LRP4: variants seen among roughly 807,000 people sequenced by gnomAD.
LRP4 encodes low-density lipoprotein receptor-related protein 4.
In LRP4, 95 loss-of-function variants were observed where a neutral mutation model predicts 220.3. That is an observed-to-expected ratio of 0.43 (90% confidence interval 0.37 to 0.51). The LOEUF is 0.51. LRP4 is among the 20% of genes least tolerant of loss of function. The pLI is 0.00. For missense variants in LRP4, 1,925 were observed against 2,567.0 expected, an observed-to-expected ratio of 0.75 and a Z score of 5.40; for synonymous variants, 903 against 954.6, an observed-to-expected ratio of 0.95 and a Z score of 1.00.
intron 36 of LRP4, among the ~76,000 whole-genome samples, chr11:46,863,892 C>CGAT (rs763790395): frequency 1.3e-5 from 2 of 151,924 alleles, no homozygotes; most frequent in African/African-American, 4.8e-5. Context: ...GTAACTGTTA[C>CGAT]GATGATGATG....
intron 16 of LRP4, among the ~76,000 whole-genome samples, chr11:46,887,388 G>A (rs528953315): frequency 3.3e-5 from 5 of 152,232 alleles, no homozygotes; most frequent in African/African-American, 7.2e-5. Context: ...CAGGGGAAGC[G>A]CTGGACACAA....
chr11:46,861,690 T>C (rs1336745167), intron 37 of LRP4, among the ~76,000 whole-genome samples: 1 of 152,000 alleles, frequency 6.6e-6, no homozygotes, highest in Non-Finnish European at 1.5e-5. Context: ...CACAACCAGC[T>C]CATTGAAATG....
Position 46,884,868 on chromosome 11 carries a change from C to T in LRP4, c.2507-892G>A, listed in dbSNP as rs1271288342. Among the ~76,000 whole-genome samples the T allele has an allele frequency of 6.6e-5, 10 of 151,758 alleles. No homozygotes were observed. In the South Asian group the frequency reaches 1.5e-3, roughly 22 times the overall value. On this transcript the variant is annotated intron_variant, in intron 18 of 37. Transcript: ENST00000378623. ...TGGAGGTTGCAGTGAGCTGAGATTG[C>T]GCCGCTGCACTCCAGCCTGGGCAGC...
rs1437931457 is a variant in LRP4 at position 46,875,233 on chromosome 11, TAGA to T, written c.3926-133_3926-131del. 1 of 1,033,690 alleles carries T rather than the reference TAGA, an allele frequency of 9.7e-7. No homozygotes were observed. Among genetic ancestry groups the T allele is most frequent in the African/African-American group, 1.6e-5 (1 of 63,254 alleles). The allele number at this position is 1,033,690 out of a possible 1,614,324, so 64.0% of individuals were successfully genotyped here. On this transcript the variant is annotated intron_variant, in intron 27 of 37. Transcript: ENST00000378623. The surrounding 1 kb of genome is among the most constrained non-coding windows in gnomAD (Gnocchi z 4.5). ...GGATTCAGTGCCTGGCAGGGTGAGG[TAGA>T]AGGAGGGTCTGCAGGAGGATCTCCA... is the stretch of plus-strand genomic sequence containing the variant.
rs1592540371 is a variant in LRP4 at position 46,894,632 on chromosome 11, G to A, written c.1497C>T (p.Gly499=). 1 of 1,613,654 alleles carries A rather than the reference G, an allele frequency of 6.2e-7. No individual in the cohort carries two copies. The highest frequency in any genetic ancestry group is 1.3e-5 in the African/African-American group (1 of 75,048). Residue 499 remains glycine, a synonymous_variant, in exon 12 of 38, where the codon GGC becomes GGT. Transcript: ENST00000378623. ...LDRILRANLN[G]SNVEEVVSTG... ...TAGACACAACCTCCTCCACGTTGCTGCCGTTGAGGTTGGCACGGAGGATCC... is the reference window on the plus strand; with the variant it reads ...TAGACACAACCTCCTCCACGTTGCTACCGTTGAGGTTGGCACGGAGGATCC...
intron 1 of LRP4, among the ~76,000 whole-genome samples, chr11:46,910,766 C>T (rs1941846548): frequency 7.0e-6 from 1 of 142,586 alleles, no homozygotes; most frequent in Admixed American, 7.6e-5. Context: ...TTCCATCTCC[C>T]GGGTTCAAGC....
intron 2 of LRP4, among the ~76,000 whole-genome samples, 181 bp from the exon 3 acceptor site, chr11:46,900,559 C>T (rs540036271): frequency 1.3e-5 from 2 of 152,256 alleles, no homozygotes; most frequent in South Asian, 4.1e-4. Context: ...GCAACCTCTG[C>T]CTCCTGGTTC....
intron 34 of LRP4, among the ~76,000 whole-genome samples, chr11:46,866,681 T>C (rs1348437342): frequency 6.6e-6 from 1 of 152,144 alleles, no homozygotes; most frequent in Non-Finnish European, 1.5e-5. Flanking sequence ...CACTTTGGGA[T>C]GCCTAGGCGG....
chr11:46,882,742 G>A (rs1941192524), intron 19 of LRP4, among the ~76,000 whole-genome samples: 2 of 151,992 alleles, frequency 1.3e-5, no homozygotes, highest in African/African-American at 2.4e-5. Context: ...TGCAGTCCCA[G>A]CTACTTGGGA....
At chr11:46,913,849 C>G (rs550843977) in intron 1 of LRP4, among the ~76,000 whole-genome samples, 43 of 152,212 alleles carry the variant, frequency 2.8e-4, no homozygotes, top group Admixed American at 1.6e-3. Flanking sequence ...GACTTCTTTT[C>G]TAGGAGTGGG....
chr11:46,862,986 C>T (rs957457727), intron 36 of LRP4: 11 of 535,848 alleles, frequency 2.1e-5, no homozygotes, highest in Non-Finnish European at 3.7e-5. Context: ...GAAACTGGTT[C>T]TGGTCTTGAG....
chr11:46,898,767 C>T, intron 6 of LRP4, 90 bp from the exon 7 acceptor site: 4 of 1,604,260 alleles, frequency 2.5e-6, no homozygotes, highest in Non-Finnish European at 1.7e-6. Flanking sequence ...CCCAGTTCCT[C>T]CATCTCTTCC....
At chr11:46,895,595 A>T (rs1003420342) in intron 10 of LRP4, among the ~76,000 whole-genome samples, 2 of 152,148 alleles carry the variant, frequency 1.3e-5, no homozygotes, top group South Asian at 2.1e-4. Flanking sequence ...AAATAAAAAT[A>T]AAAAATAAAA....
rs758054645 is a variant in LRP4, at chr11:46,862,679, G to T, written c.5312C>A (p.Thr1771Lys). ...TTCAATCTTCACTTCCTGTGTGGATGTTCGGTAGGAGGGGTTGCTGTAGGT... is the reference window on the plus strand; with the variant it reads ...TTCAATCTTCACTTCCTGTGTGGATTTTCGGTAGGAGGGGTTGCTGTAGGT... ...NLTYSNPSYR[T>K]STQEVKIEAI... is the part of the protein sequence containing the mutation. The change falls in exon 37 of 38, where the codon ACA (threonine) becomes AAA (lysine). Residue 1771 changes from threonine (T) to lysine (K), a missense_variant. Thr to Lys is a moderately conservative substitution (Grantham distance 78). Around this residue, in one of 3 missense-constraint regions of LRP4, gnomAD observed 1,244 missense variants for 1,624.9 expected, o/e 0.77. Transcript: ENST00000378623. 3 of 1,613,670 alleles carry T rather than the reference G, an allele frequency of 1.9e-6. No homozygotes were observed. The highest frequency in any genetic ancestry group is 2.5e-6 in the Non-Finnish European group (3 of 1,179,822).
intron 2 of LRP4, among the ~76,000 whole-genome samples, chr11:46,902,362 A>G (rs1409180959): frequency 1.3e-5 from 2 of 149,562 alleles, no homozygotes; most frequent in African/African-American, 4.9e-5. Flanking sequence ...CTGTATCAAA[A>G]AAAAAAAAAA....
chr11:46,897,519 G>T (rs558782773), intron 7 of LRP4, among the ~76,000 whole-genome samples: 1 of 149,936 alleles, frequency 6.7e-6, no homozygotes, highest in Admixed American at 6.6e-5. Flanking sequence ...AGGACCCTGC[G>T]GCCTTCCGCA....
chr11:46,874,910 G>A lies in LRP4; in HGVS notation c.4119C>T (p.Asp1373=), dbSNP rs564922097. ...GAACAGGGACATGCACATCGGTGTG[G>A]TCACTGGTGTCCAGTGAGATACGCC... is the stretch of plus-strand genomic sequence containing the variant. ...SIRRISLDTS[D]HTDVHVPVPE... Residue 1373 remains aspartate (D), a synonymous_variant, in exon 28 of 38, where the codon GAC becomes GAT. Transcript: ENST00000378623. The A allele has an allele frequency of 1.2e-6, 2 of 1,613,902 alleles. No individual in the cohort carries two copies. Among genetic ancestry groups the A allele is most frequent in the African/African-American group, 2.7e-5 (2 of 75,040 alleles).
chr11:46,881,900 G>A lies in LRP4; in HGVS notation c.2616C>T (p.Tyr872=). 1 of 1,614,186 alleles carries A rather than the reference G, an allele frequency of 6.2e-7. No homozygotes were observed. The highest frequency in any genetic ancestry group is 8.5e-7 in the Non-Finnish European group (1 of 1,180,042). Residue 872 remains tyrosine, a synonymous_variant, in exon 20 of 38, where the codon TAC becomes TAT. Transcript: ENST00000378623. ...RDIVVEPMGG[Y]MYWTDWGASP... ...TCGCACCCCAGTCAGTCCAATACAT[G>A]TACCTGGGCAAAGGCAAGGCAAGGC...
intron 12 of LRP4, among the ~76,000 whole-genome samples, chr11:46,893,585 G>A (rs1941466476): frequency 6.6e-6 from 1 of 152,170 alleles, no homozygotes; most frequent in Non-Finnish European, 1.5e-5. Context: ...TGACAAGTGA[G>A]CTGTTTCTGT....
Sources: allele counts gnomAD v4.1 joint callset (sites outside exome capture counted in the v4.1 genomes callset), GRCh38; gene constraint gnomAD v4.1.1; regional missense constraint gnomAD v4.1.1; non-coding constraint Gnocchi (gnomAD v3.1); transcripts MANE v1.5; gene names NCBI Gene and HGNC (gene_info 2026-07-23, HGNC 2026-07-21).